Variants in KIAA1549L observed in about 807,000 individuals in gnomAD.
The protein encoded by KIAA1549L is KIAA1549 like, also known as UPF0606 protein KIAA1549L.
Under a neutral mutation model 160.7 loss-of-function variants are expected in KIAA1549L, and 88 were observed. The ratio of observed to expected loss-of-function variants is 0.55; its 90% CI spans 0.46 to 0.65. The LOEUF is 0.65. Among genes scored for constraint, KIAA1549L ranks in the 30% least tolerant of loss-of-function variants. The pLI is 0.00. For synonymous variants in KIAA1549L, 950 were observed against 976.7 expected, an observed-to-expected ratio of 0.97 and a Z score of 0.51; for missense variants, 2,258 against 2,437.5, an observed-to-expected ratio of 0.93 and a Z score of 1.55.
rs927065408 is a variant in KIAA1549L at position 33,452,469 on chromosome 11, G to A, written c.238+75580G>A. 6.6e-5 allele frequency among the ~76,000 whole-genome samples: 10 copies of A among 152,252 alleles called. No homozygotes were observed. The East Asian group carries it at 1.4e-3, about 21-fold the overall frequency. ...AAAAATACAAAAAAATTAGCCAGGC[G>A]TAGTGGCGGGCAGCTGTAGTCCCAG... On this transcript the variant is annotated intron_variant, in intron 1 of 20. Coordinates refer to ENST00000658780, the MANE Select transcript of KIAA1549L (RefSeq NM_012194.3).
intron 16 of KIAA1549L, among the ~76,000 whole-genome samples, chr11:33,642,775 TTAAAAG>T (rs1851622718): frequency 6.6e-6 from 1 of 152,128 alleles, no homozygotes; most frequent in Non-Finnish European, 1.5e-5. Flanking sequence ...GAAGTTAAGT[TTAAAAG>T]TAGAAGGCAA....
At chr11:33,562,166 G>C (rs1415389913) in intron 8 of KIAA1549L, among the ~76,000 whole-genome samples, 2 of 152,190 alleles carry the variant, frequency 1.3e-5, no homozygotes, top group Non-Finnish European at 2.9e-5. Context: ...AATCCTGGCA[G>C]GTCTTGACAG....
intron 16 of KIAA1549L, among the ~76,000 whole-genome samples, chr11:33,632,062 A>T (rs1395800566): frequency 1.3e-5 from 2 of 152,222 alleles, no homozygotes; most frequent in African/African-American, 4.8e-5. Context: ...GTTCACTGTG[A>T]ATGGTGGTTA....
intron 1 of KIAA1549L, among the ~76,000 whole-genome samples, chr11:33,420,738 A>G (rs1363424684): frequency 4.6e-5 from 7 of 152,130 alleles, no homozygotes; most frequent in Admixed American, 4.6e-4. Flanking sequence ...CTGGACTGCA[A>G]CTCTGCAGTT....
At chr11:33,569,077 C>T (rs888270329) in intron 9 of KIAA1549L, among the ~76,000 whole-genome samples, 1 of 152,206 alleles carries the variant, frequency 6.6e-6, no homozygotes, top group Non-Finnish European at 1.5e-5. Flanking sequence ...CCTCCTCACC[C>T]TCCTGCCAGT....
intron 1 of KIAA1549L, among the ~76,000 whole-genome samples, chr11:33,389,040 T>C (rs1180331788): frequency 1.3e-5 from 2 of 152,250 alleles, no homozygotes; most frequent in Admixed American, 6.5e-5. Flanking sequence ...TTGAGATTTA[T>C]ATATGTTAAA....
intron 1 of KIAA1549L, among the ~76,000 whole-genome samples, chr11:33,437,525 T>C (rs1362636106): frequency 2.6e-5 from 4 of 152,252 alleles, no homozygotes; most frequent in Non-Finnish European, 4.4e-5. Flanking sequence ...CATTGTGTTA[T>C]CTTTCTGAAC....
intron 12 of KIAA1549L, among the ~76,000 whole-genome samples, chr11:33,593,388 G>C (rs1260269375): frequency 2.6e-5 from 4 of 152,318 alleles, no homozygotes; most frequent in Non-Finnish European, 5.9e-5. Context: ...GCAGGGAGCT[G>C]TGATTGTGCC....
chr11:33,561,653 G>T, intron 7 of KIAA1549L, 23 bp from the exon 8 acceptor site: 3 of 1,549,004 alleles, frequency 1.9e-6, no homozygotes, highest in Non-Finnish European at 1.8e-6. Flanking sequence ...AAAGTAATTG[G>T]GTATGTTTCT....
At chr11:33,660,800 TG>T in intron 19 of KIAA1549L, 62 bp from the exon 20 acceptor site, 1 of 1,539,438 alleles carries the variant, frequency 6.5e-7, no homozygotes, top group South Asian at 1.2e-5. Flanking sequence ...ATTTGGCTCT[TG>T]GGTGGCTGGA....
intron 1 of KIAA1549L, among the ~76,000 whole-genome samples, chr11:33,414,334 TA>T (rs1252174270): frequency 6.6e-6 from 1 of 152,228 alleles, no homozygotes; most frequent in African/African-American, 2.4e-5. Context: ...GATAATCTTA[TA>T]AAAGGACTTT....
intron 1 of KIAA1549L, among the ~76,000 whole-genome samples, chr11:33,453,293 T>C (rs1851758399): frequency 6.6e-6 from 1 of 152,218 alleles, no homozygotes; most frequent in South Asian, 2.1e-4. Flanking sequence ...AGTTTTCATT[T>C]TGGCTTCTTC....
chr11:33,573,202 A>T (rs1855326548), intron 9 of KIAA1549L, among the ~76,000 whole-genome samples: 1 of 152,230 alleles, frequency 6.6e-6, no homozygotes, highest in Non-Finnish European at 1.5e-5. Context: ...AAGGACACTA[A>T]TAAAAAGAAT....
intron 1 of KIAA1549L, among the ~76,000 whole-genome samples, chr11:33,409,965 G>A (rs563703837): frequency 6.6e-6 from 1 of 152,078 alleles, no homozygotes; most frequent in Admixed American, 6.5e-5. Context: ...GGGCCACAAA[G>A]AACATCTTGT....
intron 1 of KIAA1549L, among the ~76,000 whole-genome samples, chr11:33,506,518 G>A (rs1453745384): frequency 6.6e-6 from 1 of 152,090 alleles, no homozygotes; most frequent in Admixed American, 6.6e-5. Context: ...TTGAGTCCAG[G>A]AGTTCTAGAC....
chr11:33,542,174 CGTT>C lies in KIAA1549L; in HGVS notation c.614_616del (p.Leu205del), dbSNP rs1854042412. The stretch of plus-strand genomic sequence containing the variant: ...TTGCCTCTCACCAGCATGCTCCCCT[CGTT>C]GTCCACAGTCCCATCAGGGACATCC... On this transcript the variant is annotated inframe_deletion, in exon 2 of 21. Coordinates refer to ENST00000658780, the MANE Select transcript of KIAA1549L (RefSeq NM_012194.3). 1.6e-6 allele frequency: 1 copy of C among 620,784 alleles called. No individual in the cohort carries two copies. Among genetic ancestry groups the C allele is most frequent in the South Asian group, 1.5e-5 (1 of 66,038 alleles). 38.5% of individuals were successfully genotyped at this position (620,784 alleles called of 1,614,324 possible). A position where few individuals can be genotyped will look rare whatever the true frequency, so the allele number is the denominator to read the frequency against.
intron 16 of KIAA1549L, among the ~76,000 whole-genome samples, chr11:33,622,480 GC>G (rs1850985952): frequency 6.6e-6 from 1 of 152,174 alleles, no homozygotes; most frequent in African/African-American, 2.4e-5. Flanking sequence ...GAATGAGAGA[GC>G]CCCACAGAAC....
chr11:33,487,766 C>G (rs899507767), intron 1 of KIAA1549L, among the ~76,000 whole-genome samples: 4 of 152,018 alleles, frequency 2.6e-5, no homozygotes, highest in South Asian at 4.2e-4. Context: ...GGGTTGAGAC[C>G]CCCTATAAAT....
rs559926401 is a variant in KIAA1549L, at chr11:33,590,831, G to A, written c.4567-406G>A. Among the ~76,000 whole-genome samples, 15 of 152,328 alleles carry A rather than the reference G, an allele frequency of 9.8e-5. No homozygotes were observed. The East Asian group carries it at 1.9e-3, about 20-fold the overall frequency. On this transcript the variant is annotated intron_variant, in intron 11 of 20. Transcript: ENST00000658780. ...TGTGCTATTACACATAAAGCTATAC[G>A]AGAATGGAGTGAAGAGGTGACCAAA...
Sources: allele counts gnomAD v4.1 joint callset (sites outside exome capture counted in the v4.1 genomes callset), GRCh38; gene constraint gnomAD v4.1.1; transcripts MANE v1.5; gene names NCBI Gene and HGNC (gene_info 2026-07-23, HGNC 2026-07-21).